The following NMNAT3 variants were observed in gnomAD, a reference collection of about 807,000 sequenced individuals.
NMNAT3 encodes the protein nicotinamide/nicotinic acid mononucleotide adenylyltransferase 3.
A neutral mutation model predicts 24.8 loss-of-function variants in NMNAT3; 21 were observed. The observed-to-expected ratio is 0.85, with a 90% confidence interval of 0.60 to 1.22. The LOEUF is 1.22. Ranked by LOEUF, NMNAT3 falls within the 50% of genes most tolerant of loss-of-function variation. The pLI is 0.00. For synonymous variants in NMNAT3, 136 were observed against 155.2 expected (o/e 0.88, Z 0.92); for missense variants, 387 against 436.6 (o/e 0.89, Z 1.01).
At chr3:139,633,802 G>A (rs1029913849) in intron 2 of NMNAT3, among the ~76,000 whole-genome samples, 2 of 152,134 alleles carry the variant, frequency 1.3e-5, no homozygotes, top group African/African-American at 4.8e-5. Context: ...GAAGGATCAC[G>A]AGGGACCCTG....
At chr3:139,670,175 C>G (rs571556142) in intron 1 of NMNAT3, among the ~76,000 whole-genome samples, 1 of 152,186 alleles carries the variant, frequency 6.6e-6, no homozygotes, top group Non-Finnish European at 1.5e-5. Flanking sequence ...CAGTTTAGTA[C>G]GCTGATAATG....
chr3:139,652,275 G>A (rs2057081445), intron 1 of NMNAT3, among the ~76,000 whole-genome samples: 1 of 152,206 alleles, frequency 6.6e-6, no homozygotes, highest in Admixed American at 6.5e-5. Flanking sequence ...TGTGTAAGGG[G>A]ACTCAGAAGT....
At chr3:139,659,992 G>A (rs2057363457) in intron 1 of NMNAT3, among the ~76,000 whole-genome samples, 1 of 152,192 alleles carries the variant, frequency 6.6e-6, no homozygotes, top group Non-Finnish European at 1.5e-5. Flanking sequence ...AAGCCCTCTT[G>A]GTGGTTCTAT....
chr3:139,614,401 G>A (rs2055385210), intron 3 of NMNAT3, among the ~76,000 whole-genome samples: 1 of 152,192 alleles, frequency 6.6e-6, no homozygotes, highest in Admixed American at 6.5e-5. Flanking sequence ...CTTGCCCATT[G>A]AGGAGGCCTC....
At chr3:139,587,146 T>G (rs142611345) in intron 3 of NMNAT3, among the ~76,000 whole-genome samples, 71 of 152,314 alleles carry the variant, frequency 4.7e-4, no homozygotes, top group Non-Finnish European at 9.3e-4. Context: ...GTGGCGTGTA[T>G]AGCAGAGAGA....
At chr3:139,590,283 A>G (rs528304317) in intron 3 of NMNAT3, among the ~76,000 whole-genome samples, 4 of 152,362 alleles carry the variant, frequency 2.6e-5, no homozygotes, top group African/African-American at 9.6e-5. Context: ...CAGTGGAATC[A>G]TAGTGCACTG....
chr3:139,646,393 T>C (rs1348296666), intron 1 of NMNAT3, among the ~76,000 whole-genome samples: 1 of 151,530 alleles, frequency 6.6e-6, no homozygotes, highest in Non-Finnish European at 1.5e-5. Context: ...CATTCAATAG[T>C]TTTTTATAAG....
At chr3:139,647,081 T>G (rs2056896430) in intron 1 of NMNAT3, among the ~76,000 whole-genome samples, 2 of 152,216 alleles carry the variant, frequency 1.3e-5, no homozygotes, top group African/African-American at 2.4e-5. Flanking sequence ...ATAGATAGCT[T>G]CTCAATTTCC....
chr3:139,673,058 C>A (rs541425721), intron 1 of NMNAT3, among the ~76,000 whole-genome samples: 7 of 152,340 alleles, frequency 4.6e-5, no homozygotes, highest in Non-Finnish European at 1.0e-4. Context: ...TCTTTCCTCT[C>A]AGACAGCAGA....
At chr3:139,614,353 T>A (rs909261200) in intron 3 of NMNAT3, among the ~76,000 whole-genome samples, 4 of 152,186 alleles carry the variant, frequency 2.6e-5, no homozygotes, top group African/African-American at 7.2e-5. Context: ...TCTGCTAGTC[T>A]ACCAGACTCT....
At chr3:139,599,401 T>C (rs1281028193) in intron 3 of NMNAT3, 1 of 702,342 alleles carries the variant, frequency 1.4e-6, no homozygotes, top group African/African-American at 1.7e-5. Context: ...TTTTGCCCAT[T>C]TTCTTCTTCC....
intron 1 of NMNAT3, among the ~76,000 whole-genome samples, chr3:139,640,884 G>T (rs1257093717): frequency 3.3e-5 from 5 of 152,210 alleles, no homozygotes; most frequent in Non-Finnish European, 7.3e-5. Context: ...GATCTATGAA[G>T]TCAGAGCAGG....
intron 3 of NMNAT3, among the ~76,000 whole-genome samples, chr3:139,586,805 A>G (rs1379240187): frequency 2.0e-5 from 3 of 152,230 alleles, no homozygotes; most frequent in Non-Finnish European, 4.4e-5. Flanking sequence ...AGTAAAAAGA[A>G]AAGAAAGTGA....
intron 1 of NMNAT3, among the ~76,000 whole-genome samples, chr3:139,675,101 T>A (rs967786568): frequency 2.9e-5 from 4 of 138,318 alleles, no homozygotes; most frequent in African/African-American, 1.0e-4. Context: ...AATACATTAG[T>A]CATCTTTCCT....
intron 1 of NMNAT3, among the ~76,000 whole-genome samples, chr3:139,645,335 G>A (rs2056835899): frequency 1.3e-5 from 2 of 152,156 alleles, no homozygotes; most frequent in Admixed American, 6.5e-5. Context: ...TGAATGAGAG[G>A]CACAGATTTG....
At chr3:139,606,894 T>G (rs1405551540) in intron 3 of NMNAT3, among the ~76,000 whole-genome samples, 1 of 152,186 alleles carries the variant, frequency 6.6e-6, no homozygotes, top group African/African-American at 2.4e-5. Flanking sequence ...CTCCTTTAAG[T>G]TGGCTCCTGT....
intron 3 of NMNAT3, among the ~76,000 whole-genome samples, chr3:139,625,044 G>A (rs1385486702): frequency 3.3e-5 from 5 of 152,240 alleles, no homozygotes; most frequent in African/African-American, 4.8e-5. Context: ...TGCAAAAAGC[G>A]TATTACTTCT....
intron 1 of NMNAT3, among the ~76,000 whole-genome samples, chr3:139,661,167 T>C (rs1306585208): frequency 2.6e-5 from 4 of 152,168 alleles, no homozygotes; most frequent in Non-Finnish European, 4.4e-5. Context: ...AGATTGACTA[T>C]AAAGAGCTCA....
intron 3 of NMNAT3, among the ~76,000 whole-genome samples, chr3:139,591,401 C>T (rs1343786500): frequency 6.6e-6 from 1 of 151,052 alleles, no homozygotes; most frequent in Non-Finnish European, 1.5e-5. Flanking sequence ...AAGGGGCGCC[C>T]GCCATTGCCC....
Sources: allele counts gnomAD v4.1 joint callset (sites outside exome capture counted in the v4.1 genomes callset), GRCh38; gene constraint gnomAD v4.1.1; transcripts MANE v1.5; gene names NCBI Gene and HGNC (gene_info 2026-07-23, HGNC 2026-07-21).